ARK2C: variants seen among roughly 807,000 people sequenced by gnomAD.
ARK2C encodes arkadia (RNF111) C-terminal like ring finger ubiquitin ligase 2C.
the ARK2C span, among the ~76,000 whole-genome samples, chr18:46,368,199 T>A: frequency 6.6e-6 from 1 of 152,218 alleles, no homozygotes; most frequent in Non-Finnish European, 1.5e-5. Context: ...CAGGCTAAGC[T>A]TATTGGAAGT....
the ARK2C span, among the ~76,000 whole-genome samples, chr18:46,438,281 G>A: frequency 6.6e-6 from 1 of 152,196 alleles, no homozygotes; most frequent in African/African-American, 2.4e-5. Context: ...TGCCTTAGGG[G>A]CTAATTTCTC....
At chr18:46,452,835 C>T in the ARK2C span, among the ~76,000 whole-genome samples, 7 of 152,216 alleles carry the variant, frequency 4.6e-5, no homozygotes, top group East Asian at 1.9e-4. Flanking sequence ...TTTTGACTCT[C>T]GGTTCTACCC....
At chr18:46,414,626 T>C in the ARK2C span, among the ~76,000 whole-genome samples, 1 of 152,208 alleles carries the variant, frequency 6.6e-6, no homozygotes, top group African/African-American at 2.4e-5. Flanking sequence ...CACATGCTTA[T>C]ACATTCATGA....
the ARK2C span, chr18:46,447,730 G>C: frequency 1.9e-6 from 3 of 1,613,738 alleles, no homozygotes; most frequent in East Asian, 4.5e-5. Context: ...CGCCTATTGA[G>C]TGCCAGTGGT....
the ARK2C span, among the ~76,000 whole-genome samples, chr18:46,437,070 A>C: frequency 1.3e-5 from 2 of 151,766 alleles, no homozygotes; most frequent in African/African-American, 4.8e-5. Context: ...TTAATCATTT[A>C]AACCAGTCTG....
At chr18:46,447,482 A>G in the ARK2C span, 5 of 1,523,510 alleles carry the variant, frequency 3.3e-6, no homozygotes, top group Non-Finnish European at 1.8e-6. Flanking sequence ...ATTCTACTCC[A>G]TAGGCTTGAT....
the ARK2C span, among the ~76,000 whole-genome samples, chr18:46,434,917 A>G: frequency 6.6e-6 from 1 of 152,154 alleles, no homozygotes; most frequent in African/African-American, 2.4e-5. Flanking sequence ...AGAGGGGTGC[A>G]TAGAGCCTGT....
At chr18:46,360,608 G>A in the ARK2C span, among the ~76,000 whole-genome samples, 4 of 152,184 alleles carry the variant, frequency 2.6e-5, no homozygotes, top group Admixed American at 1.3e-4. Context: ...TGAAGCACCA[G>A]GCAGCCCCAG....
At chr18:46,435,305 G>T in the ARK2C span, 2 of 1,614,130 alleles carry the variant, frequency 1.2e-6, no homozygotes, top group Admixed American at 3.3e-5. Context: ...TCAGGAGCGT[G>T]TATCTGTCCA....
At chr18:46,380,914 G>A in the ARK2C span, among the ~76,000 whole-genome samples, 1 of 152,220 alleles carries the variant, frequency 6.6e-6, no homozygotes, top group African/African-American at 2.4e-5. Flanking sequence ...GACAGAGGAA[G>A]GCTACACAGA....
chr18:46,448,051 A>G, the ARK2C span, among the ~76,000 whole-genome samples: 2 of 126,936 alleles, frequency 1.6e-5, no homozygotes, highest in South Asian at 5.1e-4. Flanking sequence ...TGTGTTCTCA[A>G]CCTCCTATAC....
the ARK2C span, among the ~76,000 whole-genome samples, chr18:46,444,071 C>A: frequency 6.6e-6 from 1 of 151,890 alleles, no homozygotes; most frequent in South Asian, 2.1e-4. Context: ...TGCATAGGTG[C>A]CATTCCTTTG....
the ARK2C span, chr18:46,450,924 G>A: frequency 1.4e-6 from 1 of 703,756 alleles, no homozygotes; most frequent in Admixed American, 2.3e-5. Flanking sequence ...GCTCTGGTTA[G>A]ATGCTCTAAA....
chr18:46,399,747 C>T, the ARK2C span, among the ~76,000 whole-genome samples: 1 of 152,144 alleles, frequency 6.6e-6, no homozygotes, highest in South Asian at 2.1e-4. Context: ...GTGTCCGGCC[C>T]GAGGCCCTGC....
chr18:46,377,074 A>G, the ARK2C span, among the ~76,000 whole-genome samples: 2 of 152,270 alleles, frequency 1.3e-5, no homozygotes, highest in Middle Eastern at 3.4e-3. Context: ...TGCATCTTAC[A>G]TGTACTAGGA....
At chr18:46,351,899 C>T in the ARK2C span, among the ~76,000 whole-genome samples, 35 of 152,260 alleles carry the variant, frequency 2.3e-4, no homozygotes, top group African/African-American at 7.9e-4. Context: ...GGATGGGATA[C>T]CAAGAATGTG....
chr18:46,455,824 G>T, the ARK2C span: 3 of 586,896 alleles, frequency 5.1e-6, no homozygotes, highest in African/African-American at 3.7e-5. Flanking sequence ...AACACAGCAA[G>T]AATCAGTCTC....
chr18:46,399,028 G>A, the ARK2C span, among the ~76,000 whole-genome samples: 5 of 152,120 alleles, frequency 3.3e-5, no homozygotes, highest in Admixed American at 6.5e-5. Flanking sequence ...CACGACACCC[G>A]GGAGTCTGCA....
chr18:46,435,204 A>C, the ARK2C span: 4 of 1,198,680 alleles, frequency 3.3e-6, no homozygotes, highest in Non-Finnish European at 4.9e-6. Flanking sequence ...GGGCACCCTC[A>C]GGCTGCCCCG....
Sources: gnomAD v4.1 joint callset for allele counts (sites outside exome capture counted in the v4.1 genomes callset) on GRCh38, gnomAD v4.1.1 for gene constraint, MANE v1.5 for transcripts, NCBI Gene and HGNC (gene_info 2026-07-23, HGNC 2026-07-21) for gene names.